Variants in DNAH11 observed in about 807,000 individuals in gnomAD.
The protein encoded by DNAH11 is axonemal beta dynein heavy chain 11.
DNAH11 carries 442 observed loss-of-function variants against 526.0 expected under a neutral mutation model. That is an observed-to-expected ratio of 0.84 (90% CI 0.78 to 0.91). The LOEUF (loss-of-function observed/expected upper bound fraction) is 0.91. Ranked by LOEUF, DNAH11 falls within the 40% of genes least tolerant of loss-of-function variation. The pLI, the probability that DNAH11 is intolerant of heterozygous loss-of-function variation, is 0.00. For synonymous variants in DNAH11, 2,461 were observed against 1,935.9 expected (o/e 1.27, Z -7.12); for missense variants, 6,989 against 5,448.7 (o/e 1.28, Z -8.90).
At chr7:21,812,156 G>A (rs11975843) in intron 63 of DNAH11, among the ~76,000 whole-genome samples, 62,521 of 152,048 alleles carry the variant, frequency 0.41, 13,776 homozygotes, top group East Asian at 0.82. Context: ...GGGCACTGAG[G>A]TTGTCAAGGA....
intron 42 of DNAH11, among the ~76,000 whole-genome samples, 172 bp from the exon 43 acceptor site, chr7:21,717,603 G>C (rs990028390): frequency 6.6e-6 from 1 of 152,096 alleles, no homozygotes; most frequent in Admixed American, 6.6e-5. Flanking sequence ...ATTAAAACAA[G>C]TTTTTAAAGG....
intron 20 of DNAH11, among the ~76,000 whole-genome samples, chr7:21,609,343 G>A (rs1785423583): frequency 6.6e-6 from 1 of 152,106 alleles, no homozygotes; most frequent in South Asian, 2.1e-4. Context: ...AACGTCCTGA[G>A]TAGCTGGGAC....
intron 28 of DNAH11, among the ~76,000 whole-genome samples, chr7:21,643,668 A>G (rs997335824): frequency 4.6e-5 from 7 of 152,236 alleles, no homozygotes; most frequent in Non-Finnish European, 1.0e-4. Flanking sequence ...GTTTGAAACA[A>G]CTTGGGTGAG....
At chr7:21,607,761 C>A (rs1785352646) in intron 20 of DNAH11, among the ~76,000 whole-genome samples, 1 of 151,556 alleles carries the variant, frequency 6.6e-6, no homozygotes, top group African/African-American at 2.4e-5. Context: ...GAAACCCCGT[C>A]TCTACTAAAA....
rs1388640369 is a variant in DNAH11, at chr7:21,674,097, T to A, written c.5329-7449T>A. Among the ~76,000 whole-genome samples the A allele has an allele frequency of 2.6e-5, 4 of 151,950 alleles. No individual in the cohort carries two copies. In the East Asian group the frequency reaches 7.8e-4, roughly 29 times the overall value. Reference sequence around the variant, plus strand: ...TTGTTTTTCATGGAGTTTCACCCTGTCGCCCAGGCTGGAATGCAGTGGCAC... The same window carrying A: ...TTGTTTTTCATGGAGTTTCACCCTGACGCCCAGGCTGGAATGCAGTGGCAC... On this transcript the variant is annotated intron_variant, in intron 30 of 81. Transcript: ENST00000409508.
At chr7:21,779,558 A>C (rs1787848370) in intron 57 of DNAH11, among the ~76,000 whole-genome samples, 1 of 152,148 alleles carries the variant, frequency 6.6e-6, no homozygotes, top group South Asian at 2.1e-4. Flanking sequence ...TCCTAAGCTA[A>C]ATTTGTTCTT....
intron 39 of DNAH11, among the ~76,000 whole-genome samples, chr7:21,706,572 C>A (rs1784270602): frequency 6.6e-6 from 1 of 152,106 alleles, no homozygotes; most frequent in African/African-American, 2.4e-5. Flanking sequence ...ATGTAGGCCA[C>A]AGTTCAAGGA....
intron 48 of DNAH11, 79 bp downstream of exon 48, chr7:21,739,752 G>C (rs530315493): frequency 1.8e-6 from 2 of 1,105,472 alleles, no homozygotes; most frequent in South Asian, 3.1e-5. Context: ...ATTCCTATGG[G>C]ACATCTTGTT....
At chr7:21,681,978 G>C (rs956881665) in intron 31 of DNAH11, among the ~76,000 whole-genome samples, 2 of 152,210 alleles carry the variant, frequency 1.3e-5, no homozygotes, top group African/African-American at 4.8e-5. Flanking sequence ...CTCTGTGTGT[G>C]ACCGTCTTGG....
At chr7:21,606,872 A>G in intron 20 of DNAH11, 139 bp downstream of exon 20, 1 of 730,972 alleles carries the variant, frequency 1.4e-6, no homozygotes, top group East Asian at 2.7e-5. Context: ...GTTATAAGCA[A>G]TTTCCCCTTA....
At chr7:21,718,064 C>G in intron 43 of DNAH11, 139 bp downstream of exon 43, 1 of 1,163,200 alleles carries the variant, frequency 8.6e-7, no homozygotes. Context: ...CCTCTTGCCC[C>G]CGCCCCCGTC....
chr7:21,608,473 G>A lies in DNAH11; in HGVS notation c.3852+1740G>A, dbSNP rs187686997. Among the ~76,000 whole-genome samples, 108 of 152,136 alleles carry A rather than the reference G, an allele frequency of 7.1e-4. 1 individual carries two copies. The highest frequency in any genetic ancestry group is 2.2e-3 in the African/African-American group (92 of 41,494). On this transcript the variant is annotated intron_variant, in intron 20 of 81. Transcript: ENST00000409508. ...TAGTCTTAACTCCTTAGCTGGATGC[G>A]GCTGACAGAGCCCTTACCTCTCTTT...
intron 57 of DNAH11, among the ~76,000 whole-genome samples, chr7:21,782,620 A>G (rs17145412): frequency 0.062 from 9,488 of 152,296 alleles, 485 homozygotes; most frequent in East Asian, 0.25. Flanking sequence ...GCTGATAGAA[A>G]TGGCACTTTA....
At chr7:21,722,565 G>A (rs549883875) in intron 44 of DNAH11, among the ~76,000 whole-genome samples, 5 of 152,068 alleles carry the variant, frequency 3.3e-5, no homozygotes, top group Non-Finnish European at 5.9e-5. Flanking sequence ...CATAACTCAT[G>A]CCTATTATTA....
intron 56 of DNAH11, among the ~76,000 whole-genome samples, chr7:21,775,493 C>T (rs1787632958): frequency 6.6e-6 from 1 of 151,948 alleles, no homozygotes; most frequent in African/African-American, 2.4e-5. Flanking sequence ...TGGCGCACAC[C>T]TGTAGACCCA....
At chr7:21,721,058 C>G (rs1314550515) in intron 44 of DNAH11, among the ~76,000 whole-genome samples, 1 of 152,250 alleles carries the variant, frequency 6.6e-6, no homozygotes, top group Non-Finnish European at 1.5e-5. Context: ...AAATCCATAC[C>G]CTCCAGCCTG....
rs1462783305 is a variant in DNAH11 at position 21,696,025 on chromosome 7, G to A, written c.6042-2050G>A. The stretch of plus-strand genomic sequence containing the variant: ...TCCATACCTGATACATGGGTAACTT[G>A]TATCTTCTCTCTCTTCCTATTTCCT... On this transcript the variant is annotated intron_variant, in intron 35 of 81. Transcript: ENST00000409508. Among the ~76,000 whole-genome samples the A allele has an allele frequency of 3.3e-5, 5 of 152,290 alleles. No homozygotes were observed. In the Middle Eastern group the frequency reaches 0.014, roughly 414 times the overall value.
At chr7:21,706,254 G>C (rs1180298876) in intron 39 of DNAH11, among the ~76,000 whole-genome samples, 3 of 151,820 alleles carry the variant, frequency 2.0e-5, no homozygotes, top group Non-Finnish European at 4.4e-5. Flanking sequence ...CTTACTGACA[G>C]TCCTGGAAAC....
At chr7:21,577,594 C>G (rs1784147333) in intron 8 of DNAH11, among the ~76,000 whole-genome samples, 2 of 152,198 alleles carry the variant, frequency 1.3e-5, no homozygotes, top group African/African-American at 4.8e-5. Flanking sequence ...GTAGAGACCA[C>G]ATGGGGAACT....
Sources: gnomAD v4.1 joint callset for allele counts (sites outside exome capture counted in the v4.1 genomes callset) on GRCh38, gnomAD v4.1.1 for gene constraint, MANE v1.5 for transcripts, NCBI Gene and HGNC (gene_info 2026-07-23, HGNC 2026-07-21) for gene names.